MGMT: variants seen among roughly 807,000 people sequenced by gnomAD.
MGMT encodes the protein O-6-methylguanine-DNA methyltransferase.
Under a neutral mutation model 15.9 loss-of-function variants are expected in MGMT, and 14 were observed. That is an observed-to-expected ratio of 0.88 (90% CI 0.58 to 1.37). MGMT has a LOEUF of 1.37. Among genes scored for constraint, MGMT ranks in the 40% most tolerant of loss-of-function variants. The probability of loss-of-function intolerance (pLI) is 0.00; values close to 1 mark genes in which losing one functional copy is unlikely to be tolerated. For synonymous variants in MGMT, 130 were observed against 118.2 expected (o/e 1.10, Z -0.65); for missense variants, 282 against 268.1 (o/e 1.05, Z -0.36).
At chr10:129,488,966 A>G (rs572568207) in intron 1 of MGMT, among the ~76,000 whole-genome samples, 1 of 152,256 alleles carries the variant, frequency 6.6e-6, no homozygotes, top group South Asian at 2.1e-4. Context: ...TTCCAAGTGG[A>G]CGCATGCCTT....
intron 2 of MGMT, among the ~76,000 whole-genome samples, chr10:129,630,828 A>G (rs1847201699): frequency 6.6e-6 from 1 of 152,250 alleles, no homozygotes; most frequent in African/African-American, 2.4e-5. Flanking sequence ...TCATTGCACT[A>G]ACGTGCTCCT....
chr10:129,649,176 A>AT (rs1847429470), intron 2 of MGMT, among the ~76,000 whole-genome samples: 1 of 152,326 alleles, frequency 6.6e-6, no homozygotes, highest in African/African-American at 2.4e-5. Flanking sequence ...TCACTAAAGG[A>AT]TTACTTCAAG....
chr10:129,629,771 C>T (rs1285949052), intron 2 of MGMT, among the ~76,000 whole-genome samples: 1 of 152,134 alleles, frequency 6.6e-6, no homozygotes, highest in African/African-American at 2.4e-5. Flanking sequence ...AACCACAGTG[C>T]AGGTTTTCAC....
chr10:129,550,277 C>A (rs538848684), intron 2 of MGMT, among the ~76,000 whole-genome samples: 2 of 151,378 alleles, frequency 1.3e-5, no homozygotes, highest in East Asian at 3.9e-4. Context: ...CAGCCATCAC[C>A]GCCACCCAGC....
chr10:129,468,576 A>G (rs930282283), intron 1 of MGMT, among the ~76,000 whole-genome samples: 1 of 151,676 alleles, frequency 6.6e-6, no homozygotes, highest in African/African-American at 2.4e-5. Flanking sequence ...TTCAATGTAT[A>G]TATCTTCATT....
intron 2 of MGMT, among the ~76,000 whole-genome samples, chr10:129,581,415 GA>G (rs1255480350): frequency 6.6e-6 from 1 of 152,146 alleles, no homozygotes; most frequent in Non-Finnish European, 1.5e-5. Context: ...AGGTCTTTCT[GA>G]CCCCACATCA....
At chr10:129,624,844 G>T (rs2133078176) in intron 2 of MGMT, among the ~76,000 whole-genome samples, 1 of 152,330 alleles carries the variant, frequency 6.6e-6, no homozygotes, top group East Asian at 1.9e-4. Flanking sequence ...ACCGTGCAGG[G>T]CAGGCACCCA....
At chr10:129,561,622 A>G (rs1212359080) in intron 2 of MGMT, among the ~76,000 whole-genome samples, 1 of 152,096 alleles carries the variant, frequency 6.6e-6, no homozygotes, top group Non-Finnish European at 1.5e-5. Flanking sequence ...CATGGTATCC[A>G]CCCTCAAGCA....
chr10:129,684,947 G>A (rs1847889129), intron 2 of MGMT, among the ~76,000 whole-genome samples: 1 of 152,232 alleles, frequency 6.6e-6, no homozygotes, highest in Non-Finnish European at 1.5e-5. Context: ...TTCTTTCTAA[G>A]CGATTTGCAT....
At chr10:129,761,832 C>T (rs2133187570) in intron 4 of MGMT, among the ~76,000 whole-genome samples, 1 of 152,310 alleles carries the variant, frequency 6.6e-6, no homozygotes, top group South Asian at 2.1e-4. Flanking sequence ...TCTGTGGGCT[C>T]CACCGTGTGC....
chr10:129,574,527 G>A (rs12257002), intron 2 of MGMT, among the ~76,000 whole-genome samples: 9,452 of 152,128 alleles, frequency 0.062, 992 homozygotes, highest in African/African-American at 0.22. Context: ...TTAAATATAG[G>A]TACATAAATC....
At chr10:129,759,630 G>A (rs936249212) in intron 4 of MGMT, among the ~76,000 whole-genome samples, 3 of 152,174 alleles carry the variant, frequency 2.0e-5, no homozygotes, top group African/African-American at 4.8e-5. Context: ...AGTGGCAAGC[G>A]GGCAGAGGGT....
intron 2 of MGMT, among the ~76,000 whole-genome samples, chr10:129,609,105 A>C (rs488143): frequency 0.48 from 73,582 of 151,956 alleles, 18,352 homozygotes; most frequent in East Asian, 0.64. Context: ...TGATGCAGGG[A>C]GGGGCAGTGC....
chr10:129,739,349 G>A (rs965767424), intron 3 of MGMT, among the ~76,000 whole-genome samples: 1 of 152,216 alleles, frequency 6.6e-6, no homozygotes, highest in East Asian at 1.9e-4. Context: ...ATTAGGAAAA[G>A]AGGAAGTCAG....
rs1458780954 is a variant in MGMT, at chr10:129,643,403, A to C, written c.126-64492A>C. 2.0e-5 allele frequency among the ~76,000 whole-genome samples: 3 copies of C among 152,348 alleles called. No individual in the cohort carries two copies. In the East Asian group the frequency reaches 5.8e-4, roughly 29 times the overall value. On this transcript the variant is annotated intron_variant, in intron 2 of 4. Coordinates refer to ENST00000651593, the MANE Select transcript of MGMT (RefSeq NM_002412.5). ...TTGAGTTTCCTGATCTTGATGTGCC[A>C]GTAACTCCCTGGGGGCTGACAAATC...
chr10:129,644,229 C>T (rs1449641147), intron 2 of MGMT, among the ~76,000 whole-genome samples: 4 of 152,310 alleles, frequency 2.6e-5, no homozygotes, highest in Admixed American at 2.0e-4. Context: ...CACCCAGCAC[C>T]TGTAACTCTC....
At chr10:129,510,634 GA>G (rs1564838115) in intron 1 of MGMT, among the ~76,000 whole-genome samples, 1 of 152,194 alleles carries the variant, frequency 6.6e-6, no homozygotes, top group Non-Finnish European at 1.5e-5. Context: ...GAAGTTGATA[GA>G]AGTGTACATA....
intron 1 of MGMT, among the ~76,000 whole-genome samples, chr10:129,510,563 C>T (rs1845670888): frequency 6.7e-6 from 1 of 149,368 alleles, no homozygotes; most frequent in Non-Finnish European, 1.5e-5. Context: ...TGGGGGCTTG[C>T]TGGTTATTTC....
chr10:129,468,294 G>A (rs1387035298), intron 1 of MGMT, among the ~76,000 whole-genome samples: 5 of 152,148 alleles, frequency 3.3e-5, no homozygotes, highest in South Asian at 2.1e-4. Context: ...AAAGCTTAGC[G>A]CACCTGGTGG....
Sources: gnomAD v4.1 joint callset for allele counts (sites outside exome capture counted in the v4.1 genomes callset) on GRCh38, gnomAD v4.1.1 for gene constraint, MANE v1.5 for transcripts, NCBI Gene and HGNC (gene_info 2026-07-23, HGNC 2026-07-21) for gene names.